Variants in MINK1 observed in about 807,000 individuals in gnomAD.
MINK1 encodes misshapen-like kinase 1.
In MINK1, 46 loss-of-function variants were observed where a neutral mutation model predicts 178.4. The observed-to-expected ratio is 0.26, with a 90% CI of 0.20 to 0.33. The LOEUF is 0.33. Among genes scored for constraint, MINK1 ranks in the 10% least tolerant of loss-of-function variants. MINK1 has a pLI of 1.00. For missense variants in MINK1, 1,366 were observed against 1,814.9 expected, an observed-to-expected ratio of 0.75 and a Z score of 4.49; for synonymous variants, 797 against 709.7, an observed-to-expected ratio of 1.12 and a Z score of -1.96.
In MINK1 at chr17:4,892,427, A is replaced by C. The variant is rs145314084; in HGVS notation, c.2113A>C (p.Ile705Leu). 1,172 of 1,562,680 alleles carry C rather than the reference A, an allele frequency of 7.5e-4. 5 individuals carry two copies. In the African/African-American group the frequency reaches 0.012, roughly 16 times the overall value. Residue 705 changes from isoleucine to leucine, a missense_variant, in exon 18 of 32, where the codon ATC becomes CTC. Around this residue, in one of 14 missense-constraint regions of MINK1, gnomAD observed 709 missense variants for 692.3 expected, o/e 1.02. Transcript: ENST00000355280. ...ARPRSNSAWQIYLQRRAERGT... is the reference protein window; with the variant it reads ...ARPRSNSAWQLYLQRRAERGT... ...ACCTCGCAGCAACTCCGCCTGGCAA[A>C]TCTATCTGCAAAGGCGGGCAGAGCG...
At chr17:4,866,802 G>C (rs1455669682) in intron 1 of MINK1, among the ~76,000 whole-genome samples, 1 of 151,450 alleles carries the variant, frequency 6.6e-6, no homozygotes, top group East Asian at 2.0e-4. Flanking sequence ...GATCGGGCGC[G>C]GTGGCTCACG....
intron 14 of MINK1, 43 bp downstream of exon 14, chr17:4,890,778 G>A: frequency 6.5e-7 from 1 of 1,533,090 alleles, no homozygotes; most frequent in Non-Finnish European, 8.8e-7. Flanking sequence ...CAGTCCCACT[G>A]CCTGAGGCCT....
chr17:4,884,257 C>G (rs1302515084), intron 4 of MINK1, 106 bp from the exon 5 acceptor site: 1 of 833,924 alleles, frequency 1.2e-6, no homozygotes, highest in Non-Finnish European at 2.0e-6. Context: ...AGTTCTAACC[C>G]CAAGGTCTCT....
At chr17:4,871,459 G>A (rs1567589769) in intron 1 of MINK1, among the ~76,000 whole-genome samples, 1 of 151,770 alleles carries the variant, frequency 6.6e-6, no homozygotes. Context: ...TGATCCTCCC[G>A]CCTCTGCCTC....
In MINK1 at chr17:4,893,417, G is replaced by A. The variant is rs75672719; in HGVS notation, c.2401-17G>A. 19,934 of 1,599,074 alleles carry A rather than the reference G, an allele frequency of 0.012. 200 individuals carry two copies. Among genetic ancestry groups the A allele is most frequent in the Non-Finnish European group, 0.014 (15,944 of 1,167,642 alleles). ...GGCCCAGCTTCTCCCTGCCCCTCAC[G>A]TGGCTCCTCCCTGCAGGACTTTGTG... On this transcript the variant is annotated splice_polypyrimidine_tract_variant and intron_variant, in intron 20 of 31. Coordinates refer to ENST00000355280, the MANE Select transcript of MINK1 (RefSeq NM_153827.5).
At position 4,892,680 on chromosome 17, in the gene MINK1, C is replaced by T. The variant is rs752103090; in HGVS notation, c.2223C>T (p.Asp741=). The T allele has an allele frequency of 4.3e-6, 7 of 1,610,728 alleles. No homozygotes were observed. Among genetic ancestry groups the T allele is most frequent in the Non-Finnish European group, 5.9e-6 (7 of 1,178,762 alleles). ...ASSNPDLRRS[D]PGWERSDSVL... is the part of the protein sequence containing the mutation. ...GTAACCCCGACCTCAGGAGGAGCGA[C>T]CCTGGCTGGGAACGCTCGGACAGCG... Residue 741 remains aspartate, a synonymous_variant, in exon 19 of 32, where the codon GAC becomes GAT. Coordinates refer to ENST00000355280, the MANE Select transcript of MINK1 (RefSeq NM_153827.5).
rs1443040779 is a variant in MINK1 at position 4,894,641 on chromosome 17, CAGG to C, written c.2917+13_2917+15del. 8 of 1,589,078 alleles carry C rather than the reference CAGG, an allele frequency of 5.0e-6. No individual in the cohort carries two copies. In the African/African-American group the frequency reaches 6.7e-5, roughly 13 times the overall value. On this transcript the variant is annotated intron_variant, in intron 24 of 31. Transcript: ENST00000355280. This position sits in a 1 kb window ranked among gnomAD's most constrained non-coding sequence, Gnocchi z 4.1. ...ACAGCATCCCCATCACAGGTGAGGA[CAGG>C]AGGACAGACCTGCTGTGAGGCCAGG...
In MINK1 at chr17:4,895,875, GAA is replaced by G; in HGVS notation, c.3364+44_3364+45del. Reference sequence around the variant, plus strand: ...GAGTGGCCAGCGCATACTTGTTCATGAAGAGAGAAATGGATCTGGGAGCCAGG... The same window carrying G: ...GAGTGGCCAGCGCATACTTGTTCATGGAGAGAAATGGATCTGGGAGCCAGG... On this transcript the variant is annotated intron_variant, in intron 27 of 31. Coordinates refer to ENST00000355280, the MANE Select transcript of MINK1 (RefSeq NM_153827.5). The surrounding 1 kb of genome is among the most constrained non-coding windows in gnomAD (Gnocchi z 4.3). 6.2e-7 allele frequency: 1 copy of G among 1,602,452 alleles called. No individual in the cohort carries two copies. The highest frequency in any genetic ancestry group is 8.5e-7 in the Non-Finnish European group (1 of 1,172,952).
Position 4,896,729 on chromosome 17 carries a change from C to T in MINK1, c.3831C>T (p.Arg1277=). 6.2e-7 allele frequency: 1 copy of T among 1,604,754 alleles called. No individual in the cohort carries two copies. The highest frequency in any genetic ancestry group is 8.5e-7 in the Non-Finnish European group (1 of 1,174,686). ...GGGGTGAGAAAGCCATTGAGATCCGCTCTGTGGAGACGGGCCACCTCGACG... is the reference window on the plus strand; with the variant it reads ...GGGGTGAGAAAGCCATTGAGATCCGTTCTGTGGAGACGGGCCACCTCGACG... ...MGWGEKAIEI[R]SVETGHLDGV... is the part of the protein sequence containing the mutation. Residue 1277 remains arginine, a synonymous_variant, in exon 31 of 32, where the codon CGC becomes CGT. Transcript: ENST00000355280. The surrounding 1 kb of genome is among the most constrained non-coding windows in gnomAD (Gnocchi z 4.6).
chr17:4,882,167 G>A (rs1473032687), intron 4 of MINK1, among the ~76,000 whole-genome samples: 2 of 152,240 alleles, frequency 1.3e-5, no homozygotes, highest in Non-Finnish European at 1.5e-5. Flanking sequence ...GTGGCCGGGC[G>A]CCCCCTTCTG....
intron 2 of MINK1, 35 bp from the exon 3 acceptor site, chr17:4,880,949 C>G: frequency 6.9e-7 from 1 of 1,454,642 alleles, no homozygotes; most frequent in Non-Finnish European, 9.0e-7. Context: ...ACGCTCCACC[C>G]TCTGAGCATA....
intron 1 of MINK1, among the ~76,000 whole-genome samples, chr17:4,850,589 A>G (rs2150801975): frequency 7.1e-6 from 1 of 141,832 alleles, no homozygotes; most frequent in Middle Eastern, 3.6e-3. Context: ...TCCTTCCAGG[A>G]TCTCTTTTCC....
chr17:4,883,995 T>G (rs1157002822), intron 4 of MINK1, among the ~76,000 whole-genome samples: 1 of 151,702 alleles, frequency 6.6e-6, no homozygotes, highest in Non-Finnish European at 1.5e-5. Context: ...AGCCCCACCC[T>G]GCCAGTTCTT....
intron 1 of MINK1, among the ~76,000 whole-genome samples, chr17:4,876,751 G>A (rs976072478): frequency 1.3e-5 from 2 of 152,132 alleles, no homozygotes; most frequent in South Asian, 2.1e-4. Flanking sequence ...TCCCTGCAGC[G>A]GTGGGGACGG....
Position 4,894,374 on chromosome 17 carries a change from G to C in MINK1, c.2808+63G>C. On this transcript the variant is annotated intron_variant, in intron 23 of 31. Coordinates refer to ENST00000355280, the MANE Select transcript of MINK1 (RefSeq NM_153827.5). This position sits in a 1 kb window ranked among gnomAD's most constrained non-coding sequence, Gnocchi z 4.1. ...GCCCTGGCGATGGGCAGGAGGTCCC[G>C]GTGCTGGGTAACGGCAGAGGATGGG... The C allele has an allele frequency of 6.4e-7, 1 of 1,573,872 alleles. No individual in the cohort carries two copies. The highest frequency in any genetic ancestry group is 8.6e-7 in the Non-Finnish European group (1 of 1,160,724).
At chr17:4,888,767 C>T (rs1968473510) in intron 12 of MINK1, among the ~76,000 whole-genome samples, 1 of 139,788 alleles carries the variant, frequency 7.2e-6, no homozygotes, top group South Asian at 2.2e-4. Context: ...GCACTCTAGG[C>T]TCACCGCAAA....
intron 4 of MINK1, 131 bp from the exon 5 acceptor site, chr17:4,884,232 T>C (rs1967994007): frequency 3.0e-6 from 2 of 662,744 alleles, no homozygotes; most frequent in Non-Finnish European, 5.3e-6. Context: ...TGGCCCTTGC[T>C]CTCTAGCTCA....
At chr17:4,868,863 C>T (rs1487920821) in intron 1 of MINK1, 3 of 328,092 alleles carry the variant, frequency 9.1e-6, no homozygotes, top group African/African-American at 6.7e-5. Context: ...AGTCCTCCCA[C>T]CTCAGCCTCC....
chr17:4,895,056 C>G lies in MINK1; in HGVS notation c.2918-19C>G. ...GAGAAGCTGCAGCCCCTCCTCCCAC[C>G]TCCTCCTCCTTCTGGCAGCCCTAGT... is the stretch of plus-strand genomic sequence containing the variant. On this transcript the variant is annotated intron_variant, in intron 24 of 31. Transcript: ENST00000355280. The surrounding 1 kb of genome is among the most constrained non-coding windows in gnomAD (Gnocchi z 4.3). The G allele has an allele frequency of 1.2e-6, 2 of 1,612,000 alleles. No homozygotes were observed. The highest frequency in any genetic ancestry group is 3.3e-5 in the Admixed American group (2 of 59,962).
Sources: gnomAD v4.1 joint callset for allele counts (sites outside exome capture counted in the v4.1 genomes callset) on GRCh38, gnomAD v4.1.1 for gene constraint, gnomAD v4.1.1 regional missense constraint, Gnocchi (gnomAD v3.1) non-coding constraint, MANE v1.5 for transcripts, NCBI Gene and HGNC (gene_info 2026-07-23, HGNC 2026-07-21) for gene names.